The following CSGALNACT1 variants were observed in gnomAD, a reference collection of about 807,000 sequenced individuals.
CSGALNACT1 encodes chondroitin sulfate N-acetylgalactosaminyltransferase 1.
CSGALNACT1 carries 52 observed loss-of-function variants against 51.0 expected under a neutral mutation model. The ratio of observed to expected loss-of-function variants is 1.02; its 90% CI spans 0.82 to 1.29. The LOEUF (loss-of-function observed/expected upper bound fraction) is 1.29. CSGALNACT1 is among the 50% of genes most tolerant of loss of function. The pLI, the probability that CSGALNACT1 is intolerant of heterozygous loss-of-function variation, is 0.00. For synonymous variants in CSGALNACT1, 341 were observed against 254.4 expected, an observed-to-expected ratio of 1.34 and a Z score of -3.24; for missense variants, 935 against 679.2, an observed-to-expected ratio of 1.38 and a Z score of -4.19.
At chr8:19,490,556 C>T (rs565227845) in intron 4 of CSGALNACT1, among the ~76,000 whole-genome samples, 4 of 152,172 alleles carry the variant, frequency 2.6e-5, no homozygotes, top group African/African-American at 7.2e-5. Flanking sequence ...GCTTAGAGGC[C>T]AGGAGCATGC....
At chr8:19,653,369 G>C (rs75352291) in intron 1 of CSGALNACT1, among the ~76,000 whole-genome samples, 313 of 152,220 alleles carry the variant, frequency 2.1e-3, no homozygotes, top group African/African-American at 6.8e-3. Flanking sequence ...CTGTCTCCTT[G>C]GACACTGGTC....
In CSGALNACT1 at chr8:19,701,632, A is replaced by T. The variant is rs1174775253; in HGVS notation, c.-297+56218T>A. ...GATCCTGAAAAGACCCTACATAGAC[A>T]ATTAAGTTATGAATAAATGTTACTG... On this transcript the variant is annotated intron_variant, in intron 1 of 1. Transcript: ENST00000517494. 2.0e-5 allele frequency among the ~76,000 whole-genome samples: 3 copies of T among 152,198 alleles called. No homozygotes were observed. The East Asian group carries it at 5.8e-4, about 29-fold the overall frequency.
At chr8:19,511,895 G>A (rs1356414990) in intron 3 of CSGALNACT1, among the ~76,000 whole-genome samples, 1 of 152,188 alleles carries the variant, frequency 6.6e-6, no homozygotes, top group South Asian at 2.1e-4. Flanking sequence ...GAGACAGAAG[G>A]GGGAAGTGTT....
chr8:19,732,302 A>G lies in CSGALNACT1; in HGVS notation c.-297+25548T>C, dbSNP rs192098640. On this transcript the variant is annotated intron_variant, in intron 1 of 1. Transcript: ENST00000517494. The stretch of plus-strand genomic sequence containing the variant: ...ACATGCAGAAGTTAAAGAGCTTCTT[A>G]ACAGTATTTCTACAATAAAATACAT... Among the ~76,000 whole-genome samples, 512 of 152,352 alleles carry G rather than the reference A, an allele frequency of 3.4e-3. 5 individuals are homozygous for G. Among genetic ancestry groups the G allele is most frequent in the African/African-American group, 0.011 (471 of 41,580 alleles).
intron 1 of CSGALNACT1, among the ~76,000 whole-genome samples, chr8:19,709,670 T>C (rs2062383302): frequency 6.6e-6 from 1 of 152,160 alleles, no homozygotes; most frequent in African/African-American, 2.4e-5. Context: ...CTTCTCAACT[T>C]GGCACTCAGT....
At chr8:19,455,726 G>A (rs922776230) in intron 5 of CSGALNACT1, among the ~76,000 whole-genome samples, 7 of 152,144 alleles carry the variant, frequency 4.6e-5, no homozygotes, top group African/African-American at 9.7e-5. Context: ...TCCCTACTCA[G>A]CCTCCTGCTC....
At chr8:19,690,709 A>G (rs186750661) in intron 1 of CSGALNACT1, among the ~76,000 whole-genome samples, 1 of 152,338 alleles carries the variant, frequency 6.6e-6, no homozygotes, top group Admixed American at 6.5e-5. Context: ...CTGAATTAAT[A>G]ATATGTGATT....
At chr8:19,516,037 C>T (rs543113574) in intron 3 of CSGALNACT1, among the ~76,000 whole-genome samples, 1 of 152,212 alleles carries the variant, frequency 6.6e-6, no homozygotes, top group African/African-American at 2.4e-5. Context: ...GACCTGACTC[C>T]CGGAGTCTTT....
Position 19,607,838 on chromosome 8 carries a change from T to C in CSGALNACT1, c.-543-5973A>G, listed in dbSNP as rs78496661. ...TCTCAGTGAGGGAGGATGATCTTTA[T>C]CTGTTGTCTTCTCACTCCTAGCCAA... is the stretch of plus-strand genomic sequence containing the variant. On this transcript the variant is annotated intron_variant, in intron 1 of 9. Transcript: ENST00000332246. Among the ~76,000 whole-genome samples the C allele has an allele frequency of 9.9e-3, 1,512 of 152,328 alleles. 22 individuals are homozygous for C. The highest frequency in any genetic ancestry group is 0.034 in the African/African-American group (1,415 of 41,576).
intron 4 of CSGALNACT1, among the ~76,000 whole-genome samples, chr8:19,466,535 T>G (rs938190542): frequency 6.6e-6 from 1 of 152,226 alleles, no homozygotes; most frequent in Non-Finnish European, 1.5e-5. Context: ...TATTTTGTTG[T>G]CTCACTTATC....
intron 3 of CSGALNACT1, among the ~76,000 whole-genome samples, chr8:19,523,696 A>G (rs1305851822): frequency 6.6e-6 from 1 of 152,220 alleles, no homozygotes. Context: ...TATCTATTAA[A>G]TGCTTACTGC....
chr8:19,437,210 G>A (rs2060515501), intron 6 of CSGALNACT1, among the ~76,000 whole-genome samples: 1 of 152,180 alleles, frequency 6.6e-6, no homozygotes, highest in African/African-American at 2.4e-5. Context: ...AGCTCCAGAG[G>A]TGGGAACTTA....
chr8:19,548,827 T>G (rs922653468), intron 3 of CSGALNACT1, among the ~76,000 whole-genome samples: 1 of 152,186 alleles, frequency 6.6e-6, no homozygotes, highest in African/African-American at 2.4e-5. Flanking sequence ...GCCATGCTTA[T>G]CCCTTTATTT....
intron 1 of CSGALNACT1, among the ~76,000 whole-genome samples, chr8:19,635,262 G>A (rs1484756597): frequency 2.0e-5 from 3 of 152,200 alleles, no homozygotes; most frequent in African/African-American, 7.2e-5. Flanking sequence ...GAACTCCTTG[G>A]CGAGTAGGCC....
intron 1 of CSGALNACT1, among the ~76,000 whole-genome samples, chr8:19,668,254 C>A (rs893701444): frequency 5.3e-5 from 8 of 152,080 alleles, no homozygotes; most frequent in Admixed American, 1.3e-4. Flanking sequence ...TCTGCAGTCA[C>A]CTCAGGGACA....
At chr8:19,740,347 G>C (rs995666831) in intron 1 of CSGALNACT1, among the ~76,000 whole-genome samples, 6 of 152,348 alleles carry the variant, frequency 3.9e-5, no homozygotes, top group South Asian at 2.1e-4. Context: ...CACAGAGTCT[G>C]CTGTCCAGGC....
At chr8:19,497,837 C>G (rs904123020) in intron 4 of CSGALNACT1, among the ~76,000 whole-genome samples, 3 of 152,134 alleles carry the variant, frequency 2.0e-5, no homozygotes, top group Non-Finnish European at 4.4e-5. Flanking sequence ...ATCTGATTGC[C>G]TACTTTGGAG....
intron 1 of CSGALNACT1, among the ~76,000 whole-genome samples, chr8:19,693,252 GC>G (rs1326146938): frequency 6.6e-6 from 1 of 151,840 alleles, no homozygotes; most frequent in Non-Finnish European, 1.5e-5. Flanking sequence ...TCCAGCAGTG[GC>G]CTTTTCTTCT....
upstream of CSGALNACT1, among the ~76,000 whole-genome samples, chr8:19,684,915 G>A (rs897374200): frequency 2.6e-5 from 4 of 152,188 alleles, no homozygotes; most frequent in Admixed American, 2.6e-4. Context: ...AAAAAAATGT[G>A]TGAATTTCAG....
Sources: allele counts gnomAD v4.1 joint callset (sites outside exome capture counted in the v4.1 genomes callset), GRCh38; gene constraint gnomAD v4.1.1; transcripts MANE v1.5; gene names NCBI Gene and HGNC (gene_info 2026-07-23, HGNC 2026-07-21).